Variants in AUTS2 observed in about 807,000 individuals in gnomAD.
AUTS2 encodes activator of transcription and developmental regulator AUTS2, also known as autism susceptibility gene 2 protein.
Under a neutral mutation model 112.4 loss-of-function variants are expected in AUTS2, and 17 were observed. That is an observed-to-expected ratio of 0.15 (90% CI 0.10 to 0.23). The LOEUF is 0.23. Among genes scored for constraint, AUTS2 ranks in the 10% least tolerant of loss-of-function variants. The pLI is 1.00. For synonymous variants in AUTS2, 751 were observed against 702.7 expected (o/e 1.07, Z -1.09); for missense variants, 1,510 against 1,701.6 (o/e 0.89, Z 1.98).
chr7:69,615,878 C>G (rs1456395622), intron 1 of AUTS2, among the ~76,000 whole-genome samples: 2 of 152,184 alleles, frequency 1.3e-5, no homozygotes, highest in Admixed American at 6.5e-5. Context: ...CATTAGAAAA[C>G]ATATGGACAT....
intron 1 of AUTS2, among the ~76,000 whole-genome samples, chr7:69,758,088 C>T (rs1324324572): frequency 6.6e-6 from 1 of 152,204 alleles, no homozygotes; most frequent in Non-Finnish European, 1.5e-5. Flanking sequence ...CCCCCAGGGA[C>T]CAGTTGAGAA....
At chr7:70,289,003 A>G (rs1398607300) in intron 4 of AUTS2, among the ~76,000 whole-genome samples, 1 of 152,200 alleles carries the variant, frequency 6.6e-6, no homozygotes, top group Admixed American at 6.5e-5. Context: ...AAGAGTAAAA[A>G]GGCAGAGGAT....
At chr7:70,738,593 G>C (rs1044461948) in intron 6 of AUTS2, among the ~76,000 whole-genome samples, 3 of 152,114 alleles carry the variant, frequency 2.0e-5, no homozygotes, top group African/African-American at 7.2e-5. Flanking sequence ...CAGAAGCAGA[G>C]GCTGTGAGCT....
At chr7:70,220,496 G>A (rs773001293) in intron 4 of AUTS2, among the ~76,000 whole-genome samples, 5 of 152,124 alleles carry the variant, frequency 3.3e-5, no homozygotes, top group Non-Finnish European at 5.9e-5. Flanking sequence ...ACCATAGATG[G>A]GACAGAGACA....
chr7:69,924,575 G>A (rs1282393633), intron 2 of AUTS2, among the ~76,000 whole-genome samples: 1 of 147,010 alleles, frequency 6.8e-6, no homozygotes, highest in Admixed American at 6.8e-5. Context: ...TTTTGAGACA[G>A]AGTTTTGCTC....
At chr7:70,732,721 A>G (rs1787501972) in intron 6 of AUTS2, among the ~76,000 whole-genome samples, 1 of 152,222 alleles carries the variant, frequency 6.6e-6, no homozygotes. Context: ...ACCAGATTCC[A>G]AACTCTCTCA....
chr7:70,720,347 C>T (rs987071333), intron 6 of AUTS2, among the ~76,000 whole-genome samples: 5 of 152,092 alleles, frequency 3.3e-5, no homozygotes, highest in African/African-American at 1.2e-4. Context: ...AGGGTATGAG[C>T]ATAAAGTTAT....
At chr7:69,958,767 TAGGCCTGAGGA>T (rs1318363643) in intron 2 of AUTS2, among the ~76,000 whole-genome samples, 2 of 152,158 alleles carry the variant, frequency 1.3e-5, no homozygotes, top group African/African-American at 4.8e-5. Flanking sequence ...TCTGAGTCGG[TAGGCCTGAGGA>T]AGGCCTGAGA....
intron 5 of AUTS2, among the ~76,000 whole-genome samples, chr7:70,579,395 T>G (rs1802334351): frequency 6.6e-6 from 1 of 152,088 alleles, no homozygotes; most frequent in Non-Finnish European, 1.5e-5. Context: ...GATGAACAGT[T>G]TGGCTCTTAA....
intron 4 of AUTS2, among the ~76,000 whole-genome samples, chr7:70,230,843 A>T (rs1812007943): frequency 6.6e-6 from 1 of 152,182 alleles, no homozygotes; most frequent in East Asian, 1.9e-4. Context: ...TTGCATTAAG[A>T]TCACTATTGT....
rs1055436219 is a variant in AUTS2, at chr7:70,101,169, C to T, written c.523-16963C>T. On this transcript the variant is annotated intron_variant, in intron 2 of 18. Transcript: ENST00000342771. ...CTGGGATTACAGGCGTGAGCCACTT[C>T]GCCTGGCATATATTTGGTTTTAAGA... 2.6e-5 allele frequency among the ~76,000 whole-genome samples: 4 copies of T among 152,004 alleles called. No individual in the cohort carries two copies. In the East Asian group the frequency reaches 5.8e-4, roughly 22 times the overall value.
chr7:70,521,903 T>TTTA (rs1384548778), intron 5 of AUTS2, among the ~76,000 whole-genome samples: 1 of 152,226 alleles, frequency 6.6e-6, no homozygotes, highest in Non-Finnish European at 1.5e-5. Flanking sequence ...TTTCCTCATC[T>TTTA]ATAAAATGAG....
chr7:70,278,627 G>A (rs990638779), intron 4 of AUTS2, among the ~76,000 whole-genome samples: 1 of 144,902 alleles, frequency 6.9e-6, no homozygotes, highest in Non-Finnish European at 1.5e-5. Context: ...ACATACATAT[G>A]TACATGCATA....
intron 4 of AUTS2, among the ~76,000 whole-genome samples, chr7:70,241,592 T>C (rs974859405): frequency 6.6e-6 from 1 of 152,164 alleles, no homozygotes; most frequent in Non-Finnish European, 1.5e-5. Flanking sequence ...CTAGCCCCTG[T>C]GGGACCCCTG....
chr7:70,245,143 T>TA (rs1812841365), intron 4 of AUTS2, among the ~76,000 whole-genome samples: 1 of 56,948 alleles, frequency 1.8e-5, no homozygotes, highest in Non-Finnish European at 3.5e-5. Flanking sequence ...AGTGTGTGTG[T>TA]GTATATATAT....
chr7:70,620,494 A>G (rs1436369034), intron 5 of AUTS2, among the ~76,000 whole-genome samples: 2 of 152,048 alleles, frequency 1.3e-5, no homozygotes, highest in Non-Finnish European at 2.9e-5. Flanking sequence ...GTGGAAGGAA[A>G]GGGGTTGGTC....
chr7:70,512,521 A>T (rs1013287709), intron 5 of AUTS2, among the ~76,000 whole-genome samples: 1 of 152,108 alleles, frequency 6.6e-6, no homozygotes, highest in African/African-American at 2.4e-5. Context: ...GGGCTGTGGA[A>T]CCGTTTTTCC....
chr7:70,109,360 A>G (rs996260626), intron 2 of AUTS2, among the ~76,000 whole-genome samples: 1 of 152,172 alleles, frequency 6.6e-6, no homozygotes, highest in African/African-American at 2.4e-5. Context: ...ATTGTGTGTG[A>G]ATTTCTGAGC....
intron 1 of AUTS2, among the ~76,000 whole-genome samples, chr7:69,638,204 A>C (rs1331508937): frequency 6.6e-6 from 1 of 151,992 alleles, no homozygotes; most frequent in East Asian, 1.9e-4. Flanking sequence ...TTTTGTAGAG[A>C]CAAGGTCTTG....
Sources: gnomAD v4.1 joint callset for allele counts (sites outside exome capture counted in the v4.1 genomes callset) on GRCh38, gnomAD v4.1.1 for gene constraint, MANE v1.5 for transcripts, NCBI Gene and HGNC (gene_info 2026-07-23, HGNC 2026-07-21) for gene names.